DCC: variants seen among roughly 807,000 people sequenced by gnomAD.
DCC encodes netrin receptor DCC.
A neutral mutation model predicts 172.5 loss-of-function variants in DCC; 58 were observed. The observed-to-expected ratio is 0.34, with a 90% CI of 0.27 to 0.42. The LOEUF (loss-of-function observed/expected upper bound fraction) is 0.42, where lower values mean the gene tolerates loss of function less well. Ranked by LOEUF, DCC falls within the 10% of genes least tolerant of loss-of-function variation. DCC has a pLI of 1.00. For missense variants in DCC, 1,740 were observed against 1,791.0 expected (o/e 0.97, Z 0.51); for synonymous variants, 709 against 644.5 (o/e 1.10, Z -1.52).
At chr18:52,832,997 A>G (rs558842215) in intron 2 of DCC, among the ~76,000 whole-genome samples, 1 of 152,260 alleles carries the variant, frequency 6.6e-6, no homozygotes, top group East Asian at 1.9e-4. Context: ...CCTCTGCCAT[A>G]GCCAAATGAG....
At chr18:52,808,320 C>T (rs1456260024) in intron 2 of DCC, among the ~76,000 whole-genome samples, 1 of 151,734 alleles carries the variant, frequency 6.6e-6, no homozygotes, top group Admixed American at 6.6e-5. Flanking sequence ...GATTTGACAT[C>T]TAAACCACTA....
intron 12 of DCC, chr18:53,237,306 T>C (rs2056220629): frequency 6.5e-6 from 1 of 153,290 alleles, no homozygotes; most frequent in Non-Finnish European, 1.5e-5. Flanking sequence ...GCTAAATGTT[T>C]TTGGGGTACC....
chr18:53,462,341 C>T (rs913598297), intron 24 of DCC, among the ~76,000 whole-genome samples: 1 of 152,094 alleles, frequency 6.6e-6, no homozygotes, highest in Admixed American at 6.6e-5. Flanking sequence ...GCTCTGCCTC[C>T]TGTCAGACCA....
At chr18:53,058,013 G>A (rs2042435941) in intron 5 of DCC, among the ~76,000 whole-genome samples, 1 of 151,950 alleles carries the variant, frequency 6.6e-6, no homozygotes, top group South Asian at 2.1e-4. Flanking sequence ...ATGGAAAAGG[G>A]ATATGTGAGC....
chr18:52,487,385 G>T (rs528989705), intron 1 of DCC, among the ~76,000 whole-genome samples: 1 of 152,152 alleles, frequency 6.6e-6, no homozygotes, highest in African/African-American at 2.4e-5. Context: ...GTACCTAGAA[G>T]TGCTTCAGTT....
At chr18:53,481,967 A>G (rs2045836962) in intron 25 of DCC, among the ~76,000 whole-genome samples, 2 of 152,154 alleles carry the variant, frequency 1.3e-5, no homozygotes, top group African/African-American at 2.4e-5. Flanking sequence ...GCAGAGATTT[A>G]TTGAAAATGC....
chr18:53,307,097 T>C (rs1361729833), intron 13 of DCC, among the ~76,000 whole-genome samples: 1 of 152,238 alleles, frequency 6.6e-6, no homozygotes, highest in Non-Finnish European at 1.5e-5. Flanking sequence ...CTTGTTTATT[T>C]ATTTTTTCTT....
Position 53,135,131 on chromosome 18 carries a change from C to T in DCC, c.1262-22225C>T, listed in dbSNP as rs560696015. 2.6e-5 allele frequency among the ~76,000 whole-genome samples: 4 copies of T among 152,208 alleles called. No individual in the cohort carries two copies. In the South Asian group the frequency reaches 6.2e-4, roughly 24 times the overall value. On this transcript the variant is annotated intron_variant, in intron 7 of 28. Transcript: ENST00000442544. ...CAAGTCTCACTATTTGCCAGACACCCTCTCTGCACCCTTGCTTCTCAGCTT... is the reference window on the plus strand; with the variant it reads ...CAAGTCTCACTATTTGCCAGACACCTTCTCTGCACCCTTGCTTCTCAGCTT...
At chr18:52,813,773 G>C (rs558630643) in intron 2 of DCC, among the ~76,000 whole-genome samples, 1 of 152,178 alleles carries the variant, frequency 6.6e-6, no homozygotes, top group African/African-American at 2.4e-5. Flanking sequence ...GAACAAAAAG[G>C]CTGAGTCAAT....
intron 7 of DCC, among the ~76,000 whole-genome samples, chr18:53,096,224 A>G (rs1037229008): frequency 9.9e-5 from 15 of 152,168 alleles, no homozygotes. Flanking sequence ...CTATAGTCCT[A>G]GCTACTCAGG....
chr18:53,035,199 T>C (rs1454238754), intron 5 of DCC, among the ~76,000 whole-genome samples: 1 of 151,436 alleles, frequency 6.6e-6, no homozygotes, highest in Non-Finnish European at 1.5e-5. Flanking sequence ...TTGGGAACAT[T>C]ACAGATCTTC....
chr18:52,704,522 T>G, intron 1 of DCC, among the ~76,000 whole-genome samples: 1 of 152,238 alleles, frequency 6.6e-6, no homozygotes, highest in East Asian at 1.9e-4. Flanking sequence ...CCTGAAAGTT[T>G]ATATTTTATT....
chr18:52,936,682 G>A (rs925098377), intron 5 of DCC, among the ~76,000 whole-genome samples: 10 of 149,010 alleles, frequency 6.7e-5, no homozygotes, highest in Non-Finnish European at 1.3e-4. Flanking sequence ...TGGCTCACAA[G>A]GAGGAGAACT....
At chr18:52,639,744 T>G (rs1338049114) in intron 1 of DCC, among the ~76,000 whole-genome samples, 1 of 151,820 alleles carries the variant, frequency 6.6e-6, no homozygotes, top group Admixed American at 6.6e-5. Flanking sequence ...GAAAAAAAAG[T>G]TCAGGACCAG....
At chr18:53,450,725 G>A (rs2045400707) in intron 23 of DCC, 63 bp downstream of exon 23, 1 of 1,335,242 alleles carries the variant, frequency 7.5e-7, no homozygotes, top group Non-Finnish European at 1.1e-6. Flanking sequence ...TATTTTTGAT[G>A]GTCCTCTTTC....
intron 1 of DCC, among the ~76,000 whole-genome samples, chr18:52,479,595 C>T (rs2029881034): frequency 6.8e-6 from 1 of 147,788 alleles, no homozygotes; most frequent in Admixed American, 6.7e-5. Flanking sequence ...CCCCCCGTCT[C>T]CCTTCCTCTC....
chr18:53,285,136 G>A (rs1457521555), intron 12 of DCC, among the ~76,000 whole-genome samples: 1 of 152,168 alleles, frequency 6.6e-6, no homozygotes, highest in African/African-American at 2.4e-5. Context: ...TTTCTGAGGA[G>A]AAATTCAAGC....
chr18:53,345,622 A>G (rs2057714670), intron 15 of DCC, among the ~76,000 whole-genome samples: 1 of 152,208 alleles, frequency 6.6e-6, no homozygotes, highest in African/African-American at 2.4e-5. Flanking sequence ...TTTAGATTGA[A>G]AATCTTCCTT....
chr18:53,394,576 C>T (rs1188362773), intron 17 of DCC, among the ~76,000 whole-genome samples: 1 of 151,878 alleles, frequency 6.6e-6, no homozygotes, highest in African/African-American at 2.4e-5. Context: ...CGAGTGTTGA[C>T]TAGTGCTTAC....
Sources: allele counts gnomAD v4.1 joint callset (sites outside exome capture counted in the v4.1 genomes callset), GRCh38; gene constraint gnomAD v4.1.1; transcripts MANE v1.5; gene names NCBI Gene and HGNC (gene_info 2026-07-23, HGNC 2026-07-21).